The following ZNF780A variants were observed in gnomAD, a reference collection of about 807,000 sequenced individuals.
ZNF780A encodes the protein zinc finger protein 780A.
In ZNF780A, 40 loss-of-function variants were observed where a neutral mutation model predicts 56.7. The observed-to-expected ratio is 0.71, with a 90% confidence interval of 0.55 to 0.92. The LOEUF is 0.92. ZNF780A is among the 40% of genes least tolerant of loss of function. ZNF780A has a pLI of 0.00. For missense variants in ZNF780A, 672 were observed against 783.3 expected, an observed-to-expected ratio of 0.86 and a Z score of 1.70; for synonymous variants, 231 against 248.3, an observed-to-expected ratio of 0.93 and a Z score of 0.66.
At chr19:40,089,338 T>C (rs1485452675) in intron 2 of ZNF780A, 1 of 1,319,522 alleles carries the variant, frequency 7.6e-7, no homozygotes, top group Non-Finnish European at 9.9e-7. Flanking sequence ...CTGTCCTAGA[T>C]CATTTGAGCC....
chr19:40,072,699 T>C, downstream of ZNF780A: 2 of 1,101,740 alleles, frequency 1.8e-6, no homozygotes, highest in Non-Finnish European at 2.3e-6. Context: ...AGAAATGTTC[T>C]AGGTCAGTGG....
chr19:40,082,391 T>C (rs1191677762), intron 4 of ZNF780A, among the ~76,000 whole-genome samples: 1 of 152,190 alleles, frequency 6.6e-6, no homozygotes, highest in Non-Finnish European at 1.5e-5. Flanking sequence ...TTGTTTATTA[T>C]TGTCATTTAT....
Position 40,084,778 on chromosome 19 carries a change from A to G in ZNF780A, c.-25T>C. ...TGTTGCTAGAATTACAAAACTGGTC[A>G]ATCTTCCTCGGGCTTCTCCCCTGGA... On this transcript the variant is annotated 5_prime_UTR_variant, in exon 3 of 6. Coordinates refer to ENST00000683561, the MANE Select transcript of ZNF780A (RefSeq NM_001142578.2). 1 of 1,553,310 alleles carries G rather than the reference A, an allele frequency of 6.4e-7. No individual in the cohort carries two copies. The highest frequency in any genetic ancestry group is 8.7e-7 in the Non-Finnish European group (1 of 1,147,910).
Position 40,074,247 on chromosome 19 carries a change from T to C in ZNF780A, c.*269A>G. 1 of 1,458,968 alleles carries C rather than the reference T, an allele frequency of 6.9e-7. No homozygotes were observed. Among genetic ancestry groups the C allele is most frequent in the South Asian group, 1.5e-5 (1 of 68,296 alleles). The allele number at this position is 1,458,968 out of a possible 1,614,324, so 90.4% of individuals were successfully genotyped here. On this transcript the variant is annotated 3_prime_UTR_variant, in exon 6 of 6. Coordinates refer to ENST00000683561, the MANE Select transcript of ZNF780A (RefSeq NM_001142578.2). ...AAGCTGTGTCAGAAAACTGAAGGCC[T>C]TTCCACATTCTTTACATTCAAAGGG... is the stretch of plus-strand genomic sequence containing the variant.
chr19:40,085,275 T>C (rs337799), intron 2 of ZNF780A: 123,474 of 985,166 alleles, frequency 0.13, 14,427 homozygotes, highest in African/African-American at 0.58. Flanking sequence ...ATATTTGCAC[T>C]GGCAGTGTTT....
intron 4 of ZNF780A, among the ~76,000 whole-genome samples, 188 bp from the exon 5 acceptor site, chr19:40,082,102 T>C (rs1325459284): frequency 2.6e-5 from 4 of 152,058 alleles, no homozygotes; most frequent in Admixed American, 2.6e-4. Context: ...CTTCCTTTCA[T>C]TTAAACTCAG....
At position 40,073,784 on chromosome 19, in the gene ZNF780A, G is replaced by C; in HGVS notation, c.*732C>G. 4 of 986,938 alleles carry C rather than the reference G, an allele frequency of 4.1e-6. No homozygotes were observed. Among genetic ancestry groups the C allele is most frequent in the Non-Finnish European group, 4.8e-6 (4 of 831,002 alleles). The allele number at this position is 986,938 out of a possible 1,614,324, so 61.1% of individuals were successfully genotyped here. A position where few individuals can be genotyped will look rare whatever the true frequency, so the allele number is the denominator to read the frequency against. On this transcript the variant is annotated 3_prime_UTR_variant, in exon 6 of 6. Transcript: ENST00000683561. ...TGTTCACAAGATTTCTCATCAATATGAGCTCTCTGGTGTTGAGTAAATTTT... is the reference window on the plus strand; with the variant it reads ...TGTTCACAAGATTTCTCATCAATATCAGCTCTCTGGTGTTGAGTAAATTTT...
chr19:40,076,805 C>T lies in ZNF780A; in HGVS notation c.233-596G>A, dbSNP rs1011527845. Among the ~76,000 whole-genome samples the T allele has an allele frequency of 3.9e-5, 6 of 152,288 alleles. No homozygotes were observed. In the East Asian group the frequency reaches 1.2e-3, roughly 29 times the overall value. ...ATCTACCACCTTTGCTACCTAAGCACTCATCACAGAGGCCTAAGGTCAGAC... is the reference window on the plus strand; with the variant it reads ...ATCTACCACCTTTGCTACCTAAGCATTCATCACAGAGGCCTAAGGTCAGAC... On this transcript the variant is annotated intron_variant, in intron 5 of 5. Coordinates refer to ENST00000683561, the MANE Select transcript of ZNF780A (RefSeq NM_001142578.2).
Position 40,074,900 on chromosome 19 carries a change from T to G in ZNF780A, c.1542A>C (p.Leu514=). The change falls in exon 6 of 6, where the codon CTA becomes CTC. Residue 514 remains leucine, a synonymous_variant. Coordinates refer to ENST00000683561, the MANE Select transcript of ZNF780A (RefSeq NM_001142578.2). ...GAGTTTTCTGATGTTGGGAAAGTTG[T>G]AGGTAAAGTCTAAAAGCCTTCCCAC... The part of the protein sequence containing the change: ...KECGKAFRLY[L]QLSQHQKTHT... 6.2e-7 allele frequency: 1 copy of G among 1,613,554 alleles called. No individual in the cohort carries two copies. Among genetic ancestry groups the G allele is most frequent in the Admixed American group, 1.7e-5 (1 of 59,986 alleles).
intron 3 of ZNF780A, among the ~76,000 whole-genome samples, chr19:40,083,988 C>T (rs1180362388): frequency 6.6e-6 from 1 of 152,156 alleles, no homozygotes; most frequent in Non-Finnish European, 1.5e-5. Context: ...CAACCTCCAC[C>T]TCCCAGGTTC....
chr19:40,077,100 T>C (rs927333530), intron 5 of ZNF780A, among the ~76,000 whole-genome samples: 1 of 152,000 alleles, frequency 6.6e-6, no homozygotes, highest in Non-Finnish European at 1.5e-5. Context: ...TCAACGTGCC[T>C]AGACACACTA....
chr19:40,072,832 C>T (rs915572093), downstream of ZNF780A: 6 of 1,526,506 alleles, frequency 3.9e-6, no homozygotes, highest in Non-Finnish European at 1.8e-6. Context: ...GATTCTAATA[C>T]CTACCAAAAT....
intron 2 of ZNF780A, among the ~76,000 whole-genome samples, chr19:40,088,997 G>T (rs1974973852): frequency 1.3e-5 from 2 of 152,162 alleles, no homozygotes; most frequent in African/African-American, 2.4e-5. Flanking sequence ...TTACAGATCT[G>T]GGGTAATGTG....
intron 5 of ZNF780A, among the ~76,000 whole-genome samples, chr19:40,077,360 AAAG>A (rs2144922695): frequency 6.6e-6 from 1 of 152,286 alleles, no homozygotes; most frequent in East Asian, 1.9e-4. Flanking sequence ...TTTACTCATA[AAAG>A]AAGGCAACAC....
chr19:40,086,341 CAG>C (rs1057196284), intron 2 of ZNF780A, among the ~76,000 whole-genome samples: 38 of 152,024 alleles, frequency 2.5e-4, no homozygotes. Context: ...AAAATAAAAA[CAG>C]AGTTATCAGG....
chr19:40,090,425 G>A (rs1975095141), intron 1 of ZNF780A, 190 bp from the exon 2 acceptor site: 1 of 152,230 alleles, frequency 6.6e-6, no homozygotes. Context: ...GAGCTCTGAG[G>A]ACGCTGTGGT....
chr19:40,074,851 A>C lies in ZNF780A; in HGVS notation c.1591T>G (p.Cys531Gly). The C allele has an allele frequency of 1.2e-6, 2 of 1,614,224 alleles. No individual in the cohort carries two copies. Among genetic ancestry groups the C allele is most frequent in the East Asian group, 2.2e-5 (1 of 44,878 alleles). ...CGAAAGAATTTCCCACATTCCTTAC[A>C]TTCAAATGGTTTTTCACCTGTGTGA... ...KTHTGEKPFE[C>G]KECGKFFRRG... is the part of the protein sequence containing the mutation. Residue 531 changes from cysteine (C) to glycine (G), a missense_variant, in exon 6 of 6, where the codon TGT (cysteine) becomes GGT (glycine). Coordinates refer to ENST00000683561, the MANE Select transcript of ZNF780A (RefSeq NM_001142578.2).
chr19:40,081,488 A>G (rs1974471913), intron 5 of ZNF780A, among the ~76,000 whole-genome samples: 1 of 151,892 alleles, frequency 6.6e-6, no homozygotes, highest in Non-Finnish European at 1.5e-5. Context: ...AGCCAAGATC[A>G]GATTACTGCA....
Position 40,073,064 on chromosome 19 carries a change from TG to T in ZNF780A, c.*1451del. On this transcript the variant is annotated 3_prime_UTR_variant, in exon 6 of 6. Coordinates refer to ENST00000683561, the MANE Select transcript of ZNF780A (RefSeq NM_001142578.2). Reference sequence around the variant, plus strand: ...AATGGCTATATGATATTGTCTATATTGTCTTCATGTTTGGTTGATACACACG... The same window carrying T: ...AATGGCTATATGATATTGTCTATATTTCTTCATGTTTGGTTGATACACACG... The T allele has an allele frequency of 1.4e-6, 2 of 1,414,490 alleles. No homozygotes were observed. Among genetic ancestry groups the T allele is most frequent in the South Asian group, 1.6e-5 (1 of 61,104 alleles). The allele number at this position is 1,414,490 out of a possible 1,614,324, so 87.6% of individuals were successfully genotyped here.
Sources: allele counts gnomAD v4.1 joint callset (sites outside exome capture counted in the v4.1 genomes callset), GRCh38; gene constraint gnomAD v4.1.1; transcripts MANE v1.5; gene names NCBI Gene and HGNC (gene_info 2026-07-23, HGNC 2026-07-21).